ZNF532: variants seen among roughly 807,000 people sequenced by gnomAD.
ZNF532 encodes the protein zinc finger protein 532.
ZNF532 carries 22 observed loss-of-function variants against 89.3 expected under a neutral mutation model. The observed-to-expected ratio is 0.25, with a 90% confidence interval of 0.18 to 0.35. The LOEUF is 0.35. Among genes scored for constraint, ZNF532 ranks in the 10% least tolerant of loss-of-function variants. The probability of loss-of-function intolerance (pLI) is 1.00; values close to 1 mark genes in which losing one functional copy is unlikely to be tolerated. For missense variants in ZNF532, 1,132 were observed against 1,643.4 expected (o/e 0.69, Z 5.38); for synonymous variants, 606 against 649.6 (o/e 0.93, Z 1.02).
intron 2 of ZNF532, among the ~76,000 whole-genome samples, chr18:58,899,089 G>A (rs993832789): frequency 2.0e-5 from 3 of 152,228 alleles, no homozygotes; most frequent in African/African-American, 4.8e-5. Context: ...CGTTCACAGC[G>A]GCAAGCCTCT....
intron 2 of ZNF532, among the ~76,000 whole-genome samples, chr18:58,879,146 C>T (rs1026644407): frequency 4.6e-5 from 7 of 152,290 alleles, no homozygotes; most frequent in Admixed American, 2.6e-4. Flanking sequence ...TTGTGAGGCA[C>T]GCCCGGCGGG....
chr18:58,914,617 T>G (rs2060480242), intron 2 of ZNF532, among the ~76,000 whole-genome samples: 1 of 151,228 alleles, frequency 6.6e-6, no homozygotes, highest in Non-Finnish European at 1.5e-5. Context: ...GAGGCGGAGG[T>G]TGCAGTGAGC....
intron 2 of ZNF532, among the ~76,000 whole-genome samples, chr18:58,867,323 G>A (rs2056563918): frequency 6.6e-6 from 1 of 152,098 alleles, no homozygotes; most frequent in Non-Finnish European, 1.5e-5. Flanking sequence ...CCCCCTTGAA[G>A]TCTCCTGAAG....
intron 5 of ZNF532, among the ~76,000 whole-genome samples, chr18:58,946,294 T>A (rs1168721605): frequency 6.9e-6 from 1 of 145,762 alleles, no homozygotes; most frequent in Non-Finnish European, 1.5e-5. Context: ...TCATATAGTT[T>A]TTTTTTTTTT....
chr18:58,939,396 CGT>C, intron 4 of ZNF532, 47 bp from the exon 5 acceptor site: 1 of 1,521,016 alleles, frequency 6.6e-7, no homozygotes, highest in Non-Finnish European at 8.9e-7. Context: ...TGCAGTTACA[CGT>C]GTGTTATGGT....
At chr18:58,944,084 AATGGCAGCAGTGTC>A (rs1183748017) in intron 5 of ZNF532, among the ~76,000 whole-genome samples, 1 of 152,126 alleles carries the variant, frequency 6.6e-6, no homozygotes, top group Non-Finnish European at 1.5e-5. Context: ...CCATCTGTGA[AATGGCAGCAGTGTC>A]ATCTACCTCA....
intron 5 of ZNF532, among the ~76,000 whole-genome samples, chr18:58,941,112 GATCTTT>G (rs2062984254): frequency 6.6e-6 from 1 of 151,462 alleles, no homozygotes; most frequent in Non-Finnish European, 1.5e-5. Context: ...CCTTCATTCT[GATCTTT>G]GTAGGTTGAT....
In ZNF532 at chr18:58,934,418, C is replaced by T; in HGVS notation, c.2347-15C>T. ...TTAGTAGGACCAACCCTGTTTCCCCCTTTGGTTTGTTTAGAAGACTTGCAC... is the reference window on the plus strand; with the variant it reads ...TTAGTAGGACCAACCCTGTTTCCCCTTTTGGTTTGTTTAGAAGACTTGCAC... On this transcript the variant is annotated splice_polypyrimidine_tract_variant and intron_variant, in intron 3 of 9. Coordinates refer to ENST00000591808, the MANE Select transcript of ZNF532 (RefSeq NM_001375912.1). 6.2e-7 allele frequency: 1 copy of T among 1,610,358 alleles called. No homozygotes were observed. The highest frequency in any genetic ancestry group is 8.5e-7 in the Non-Finnish European group (1 of 1,177,518).
intron 2 of ZNF532, among the ~76,000 whole-genome samples, chr18:58,910,886 T>G (rs1279291951): frequency 1.3e-5 from 2 of 152,042 alleles, no homozygotes; most frequent in Non-Finnish European, 2.9e-5. Flanking sequence ...TGGTTTGTTT[T>G]TTTTTTTTAA....
In ZNF532 at chr18:58,984,247, G is replaced by A; in HGVS notation, c.3687G>A (p.Lys1229=). The A allele has an allele frequency of 6.2e-7, 1 of 1,611,968 alleles. No individual in the cohort carries two copies. Among genetic ancestry groups the A allele is most frequent in the Non-Finnish European group, 8.5e-7 (1 of 1,179,842 alleles). Residue 1229 remains lysine (K), a synonymous_variant, in exon 10 of 10, where the codon AAG becomes AAA. Transcript: ENST00000591808. ...ACCTCTTCATCGTACACAAGTTAAAGGAACCTCAGCCAGTGTCCAAGCAAA... is the reference window on the plus strand; with the variant it reads ...ACCTCTTCATCGTACACAAGTTAAAAGAACCTCAGCCAGTGTCCAAGCAAA... ...SRHLFIVHKL[K]EPQPVSKQNG... is the part of the protein sequence containing the mutation.
At chr18:58,970,358 T>G (rs1158513829) in intron 7 of ZNF532, among the ~76,000 whole-genome samples, 1 of 152,206 alleles carries the variant, frequency 6.6e-6, no homozygotes, top group Non-Finnish European at 1.5e-5. Context: ...GAAGACTGGA[T>G]TCTCTGAGAA....
chr18:58,924,066 G>A (rs1158012389), intron 3 of ZNF532, among the ~76,000 whole-genome samples: 4 of 151,966 alleles, frequency 2.6e-5, no homozygotes, highest in Non-Finnish European at 4.4e-5. Flanking sequence ...CATGTTGGCC[G>A]GGCTGGTCTT....
intron 2 of ZNF532, among the ~76,000 whole-genome samples, chr18:58,917,715 T>TA (rs1387974092): frequency 4.0e-5 from 6 of 151,582 alleles, no homozygotes; most frequent in East Asian, 1.9e-4. Context: ...TTTTTTTTTT[T>TA]AAAAAGTCCC....
chr18:58,864,408 C>G (rs1330802536), upstream of ZNF532: 1 of 151,958 alleles, frequency 6.6e-6, no homozygotes, highest in Non-Finnish European at 1.5e-5. Context: ...GCTCTGCAGC[C>G]GACGCATCCC....
At chr18:58,952,697 C>A (rs1037911609) in intron 6 of ZNF532, among the ~76,000 whole-genome samples, 1 of 152,236 alleles carries the variant, frequency 6.6e-6, no homozygotes, top group African/African-American at 2.4e-5. Context: ...TGAGCCACTG[C>A]ATACACCCCA....
Position 58,920,789 on chromosome 18 carries a change from TGTTTGG to T in ZNF532, c.2346+158_2346+163del, listed in dbSNP as rs1172254545. On this transcript the variant is annotated intron_variant, in intron 3 of 9. Coordinates refer to ENST00000591808, the MANE Select transcript of ZNF532 (RefSeq NM_001375912.1). The stretch of plus-strand genomic sequence containing the variant: ...GTGTGTGTGTGTGTGTGTGTGTGTG[TGTTTGG>T]GGAGGGGAGGGGGAATGCCTGTGCA... Among the ~76,000 whole-genome samples the T allele has an allele frequency of 2.3e-3, 128 of 55,610 alleles. 1 individual carries two copies. The highest frequency in any genetic ancestry group is 7.7e-3 in the African/African-American group (106 of 13,718). The allele number at this position is 55,610 out of a possible 152,430, so 36.5% of individuals were successfully genotyped here.
At chr18:58,918,205 AG>A in intron 2 of ZNF532, 65 bp from the exon 3 acceptor site, 1 of 1,395,860 alleles carries the variant, frequency 7.2e-7, no homozygotes, top group Non-Finnish European at 9.8e-7. Flanking sequence ...TGAATTGTAT[AG>A]GGGTTTTATC....
chr18:58,973,087 C>T (rs1449984275), intron 7 of ZNF532, among the ~76,000 whole-genome samples: 1 of 152,144 alleles, frequency 6.6e-6, no homozygotes, highest in Non-Finnish European at 1.5e-5. Flanking sequence ...GGTGTTTTAC[C>T]TACTAATTGA....
At chr18:58,936,814 G>A (rs943598951) in intron 4 of ZNF532, among the ~76,000 whole-genome samples, 1 of 152,174 alleles carries the variant, frequency 6.6e-6, no homozygotes, top group African/African-American at 2.4e-5. Flanking sequence ...ATGTTTAAGT[G>A]GGGCTTAGTA....
Sources: gnomAD v4.1 joint callset for allele counts (sites outside exome capture counted in the v4.1 genomes callset) on GRCh38, gnomAD v4.1.1 for gene constraint, MANE v1.5 for transcripts, NCBI Gene and HGNC (gene_info 2026-07-23, HGNC 2026-07-21) for gene names.